The following WWOX variants were observed in gnomAD, a reference collection of about 807,000 sequenced individuals.
The protein encoded by WWOX is WW domain containing oxidoreductase, also known as WW domain-containing oxidoreductase.
Under a neutral mutation model 46.2 loss-of-function variants are expected in WWOX, and 69 were observed. The observed-to-expected ratio is 1.49, with a 90% CI of 1.23 to 1.82. The LOEUF is 1.82. WWOX is among the 40% of genes most tolerant of loss of function. WWOX has a pLI of 0.00. For missense variants in WWOX, 919 were observed against 542.6 expected, an observed-to-expected ratio of 1.69 and a Z score of -6.89; for synonymous variants, 359 against 202.6, an observed-to-expected ratio of 1.77 and a Z score of -6.56.
rs112445333 is a variant in WWOX at position 78,631,492 on chromosome 16, C to T, written c.1056+198740C>T. On this transcript the variant is annotated intron_variant, in intron 8 of 8. Transcript: ENST00000566780. ...AATCAGTTTAATTTATATGATTGTC[C>T]TTTATTATGAGATTATGTTCAACAG... is the stretch of plus-strand genomic sequence containing the variant. 4.7e-3 allele frequency among the ~76,000 whole-genome samples: 718 copies of T among 151,172 alleles called. 5 individuals are homozygous for T. The highest frequency in any genetic ancestry group is 0.017 in the African/African-American group (692 of 41,286).
At chr16:78,609,263 A>T (rs912823671) in intron 8 of WWOX, among the ~76,000 whole-genome samples, 22 of 152,076 alleles carry the variant, frequency 1.4e-4, no homozygotes, top group African/African-American at 5.3e-4. Context: ...AAAACTGCCA[A>T]GTTATTTTTT....
At chr16:78,452,208 G>C (rs545628398) in intron 8 of WWOX, among the ~76,000 whole-genome samples, 1 of 152,238 alleles carries the variant, frequency 6.6e-6, no homozygotes, top group African/African-American at 2.4e-5. Context: ...CATATTTCTT[G>C]GATTGTCCGC....
At chr16:78,552,312 T>A (rs967334846) in intron 8 of WWOX, 3 of 152,302 alleles carry the variant, frequency 2.0e-5, no homozygotes, top group Non-Finnish European at 4.4e-5. Flanking sequence ...GGTGTTTTAT[T>A]TGGGATCCAG....
intron 8 of WWOX, chr16:78,896,619 G>C (rs953491900): frequency 6.6e-6 from 1 of 152,158 alleles, no homozygotes; most frequent in Non-Finnish European, 1.5e-5. Flanking sequence ...GATGTACTCA[G>C]ATAGTAATTA....
chr16:79,210,298 C>G (rs140976689), intron 8 of WWOX, among the ~76,000 whole-genome samples: 2 of 152,306 alleles, frequency 1.3e-5, no homozygotes, highest in African/African-American at 2.4e-5. Flanking sequence ...CGTCGTAACA[C>G]CTTCCTTGGG....
At chr16:78,586,995 G>C (rs2045223722) in intron 8 of WWOX, among the ~76,000 whole-genome samples, 1 of 152,018 alleles carries the variant, frequency 6.6e-6, no homozygotes. Context: ...ACTAATTCAT[G>C]AGGCAATCTA....
intron 8 of WWOX, among the ~76,000 whole-genome samples, chr16:78,449,845 G>A (rs2083649363): frequency 1.3e-5 from 2 of 151,998 alleles, no homozygotes; most frequent in African/African-American, 4.8e-5. Context: ...CTCAAGAAAT[G>A]TGTATTGCAG....
rs76350514 is a variant in WWOX, at chr16:78,431,352, C to T, written c.792-1136C>T. Among the ~76,000 whole-genome samples, 719 of 152,164 alleles carry T rather than the reference C, an allele frequency of 4.7e-3. 29 individuals carry two copies. In the East Asian group the frequency reaches 0.1, roughly 21 times the overall value. On this transcript the variant is annotated intron_variant, in intron 7 of 8. Coordinates refer to ENST00000566780, the MANE Select transcript of WWOX (RefSeq NM_016373.4). ...GATGGTACCTCACCAAGGTTATAAC[C>T]CCTTTATAATCATTAATTTTTAATC...
At chr16:79,021,415 T>C (rs943661620) in intron 8 of WWOX, among the ~76,000 whole-genome samples, 8 of 152,148 alleles carry the variant, frequency 5.3e-5, no homozygotes, top group Admixed American at 3.9e-4. Context: ...AATAATGGTT[T>C]TGAATACATA....
intron 5 of WWOX, among the ~76,000 whole-genome samples, chr16:78,311,638 C>G (rs1359572537): frequency 6.6e-6 from 1 of 152,166 alleles, no homozygotes; most frequent in African/African-American, 2.4e-5. Flanking sequence ...ACTCAACTTA[C>G]TTCTAGTGGT....
intron 8 of WWOX, among the ~76,000 whole-genome samples, chr16:78,748,701 G>T (rs961353926): frequency 6.6e-6 from 1 of 152,210 alleles, no homozygotes; most frequent in Non-Finnish European, 1.5e-5. Context: ...GTCAGGGCCC[G>T]TGGCAAAGGG....
At chr16:78,860,826 C>T (rs556665759) in intron 8 of WWOX, among the ~76,000 whole-genome samples, 4 of 152,092 alleles carry the variant, frequency 2.6e-5, no homozygotes, top group African/African-American at 7.2e-5. Flanking sequence ...GAGGATTTCT[C>T]TCCCAGGTGT....
At chr16:78,950,697 C>G (rs547454662) in intron 8 of WWOX, among the ~76,000 whole-genome samples, 3 of 152,276 alleles carry the variant, frequency 2.0e-5, no homozygotes, top group Admixed American at 2.0e-4. Context: ...CTGCAAGCTT[C>G]TAAGTAATGG....
intron 8 of WWOX, chr16:78,896,230 A>G (rs2151234976): frequency 6.6e-6 from 1 of 152,302 alleles, no homozygotes; most frequent in South Asian, 2.1e-4. Flanking sequence ...TTTGAAAAAA[A>G]AAAAAAGTCA....
chr16:78,743,724 G>C (rs772903561), intron 8 of WWOX, among the ~76,000 whole-genome samples: 1 of 152,012 alleles, frequency 6.6e-6, no homozygotes, highest in African/African-American at 2.4e-5. Context: ...TTGTAACTTC[G>C]CTTCACCCTC....
At chr16:78,561,303 A>C (rs1403278028) in intron 8 of WWOX, among the ~76,000 whole-genome samples, 1 of 152,132 alleles carries the variant, frequency 6.6e-6, no homozygotes, top group Admixed American at 6.6e-5. Flanking sequence ...CTGGATTTCA[A>C]GGGCTCAGAA....
At chr16:78,728,480 C>G (rs2048889091) in intron 8 of WWOX, among the ~76,000 whole-genome samples, 1 of 152,192 alleles carries the variant, frequency 6.6e-6, no homozygotes, top group South Asian at 2.1e-4. Flanking sequence ...CAGCCAGATT[C>G]TCACTTCTTT....
At chr16:79,016,143 AC>A (rs2047407770) in intron 8 of WWOX, 1 of 152,208 alleles carries the variant, frequency 6.6e-6, no homozygotes, top group Admixed American at 6.5e-5. Context: ...GCTATCGATT[AC>A]CTCCAAAAGG....
chr16:79,165,281 A>T (rs557387750), intron 8 of WWOX, among the ~76,000 whole-genome samples: 3 of 152,182 alleles, frequency 2.0e-5, no homozygotes, highest in Non-Finnish European at 4.4e-5. Context: ...GCGGAGGTCA[A>T]TTTCATGTGT....
Sources: gnomAD v4.1 joint callset for allele counts (sites outside exome capture counted in the v4.1 genomes callset) on GRCh38, gnomAD v4.1.1 for gene constraint, MANE v1.5 for transcripts, NCBI Gene and HGNC (gene_info 2026-07-23, HGNC 2026-07-21) for gene names.